OSBPL1A: variants seen among roughly 807,000 people sequenced by gnomAD.
OSBPL1A encodes oxysterol-binding protein-related protein 1.
Under a neutral mutation model 137.1 loss-of-function variants are expected in OSBPL1A, and 80 were observed. The observed-to-expected ratio is 0.58, with a 90% CI of 0.49 to 0.70. The LOEUF is 0.70. Among genes scored for constraint, OSBPL1A ranks in the 30% least tolerant of loss-of-function variants. The pLI, the probability that OSBPL1A is intolerant of heterozygous loss-of-function variation, is 0.00. For missense variants in OSBPL1A, 970 were observed against 1,129.4 expected (o/e 0.86, Z 2.02); for synonymous variants, 365 against 389.7 (o/e 0.94, Z 0.75).
At chr18:24,168,087 A>G (rs2086186949) in intron 24 of OSBPL1A, among the ~76,000 whole-genome samples, 1 of 152,128 alleles carries the variant, frequency 6.6e-6, no homozygotes, top group Non-Finnish European at 1.5e-5. Flanking sequence ...AAGACAAAAT[A>G]ATTCATTTGA....
intron 17 of OSBPL1A, among the ~76,000 whole-genome samples, chr18:24,205,792 C>T (rs938194616): frequency 3.3e-5 from 5 of 152,154 alleles, no homozygotes; most frequent in African/African-American, 1.2e-4. Context: ...TTAAGGTTTT[C>T]ACAGAGAAAG....
chr18:24,361,996 C>CAAAAAAAAAAAAAAAAAAAAAAAAAAA (rs200189504), intron 4 of OSBPL1A, among the ~76,000 whole-genome samples: 1 of 52,182 alleles, frequency 1.9e-5, no homozygotes, highest in Non-Finnish European at 4.0e-5. Flanking sequence ...GACTCCATCT[C>CAAAAAAAAAAAAAAAAAAAAAAAAAAA]AAAAAAAAAA....
chr18:24,388,800 CAAAAAAAAAAA>C lies in OSBPL1A; in HGVS notation c.-3+8844_-3+8854del, dbSNP rs57143270. ...GGGCGACAAGAGTGAGACTCTGTCTCAAAAAAAAAAAAAAAAAAAAACCAAAAATAACAAAA... is the reference window on the plus strand; with the variant it reads ...GGGCGACAAGAGTGAGACTCTGTCTCAAAAAAAAAACCAAAAATAACAAAA... On this transcript the variant is annotated intron_variant, in intron 1 of 27. Transcript: ENST00000319481. Among the ~76,000 whole-genome samples the C allele has an allele frequency of 3.0e-4, 25 of 82,836 alleles. No homozygotes were observed. The Admixed American group carries it at 3.1e-3, about 10-fold the overall frequency. 54.3% of individuals were successfully genotyped at this position (82,836 alleles called of 152,430 possible).
chr18:24,268,410 G>A (rs1401260997), intron 15 of OSBPL1A, among the ~76,000 whole-genome samples: 1 of 152,088 alleles, frequency 6.6e-6, no homozygotes, highest in Non-Finnish European at 1.5e-5. Flanking sequence ...GTGAGCCACT[G>A]CACCTGGCCC....
chr18:24,328,863 A>G (rs775074720), intron 7 of OSBPL1A, among the ~76,000 whole-genome samples: 7 of 152,226 alleles, frequency 4.6e-5, no homozygotes, highest in Non-Finnish European at 1.0e-4. Context: ...TACCGATTAT[A>G]TGTTGAAATG....
chr18:24,318,991 GCTAA>G (rs1011278635), intron 7 of OSBPL1A, among the ~76,000 whole-genome samples, 182 bp from the exon 8 acceptor site: 7 of 152,104 alleles, frequency 4.6e-5, no homozygotes, highest in African/African-American at 1.7e-4. Context: ...CCTTTTGGTC[GCTAA>G]CTATTAAGCC....
intron 6 of OSBPL1A, among the ~76,000 whole-genome samples, chr18:24,333,761 A>G (rs1051948036): frequency 4.6e-5 from 7 of 152,226 alleles, no homozygotes; most frequent in African/African-American, 1.7e-4. Flanking sequence ...CAAACCTTTC[A>G]GTCTAATGTG....
intron 17 of OSBPL1A, among the ~76,000 whole-genome samples, chr18:24,223,576 A>G (rs932047415): frequency 1.3e-5 from 2 of 152,086 alleles, no homozygotes; most frequent in Non-Finnish European, 2.9e-5. Flanking sequence ...TTGAAAGTTT[A>G]ATCTCATCTT....
In OSBPL1A at chr18:24,325,636, A is replaced by G. The variant is rs149854697; in HGVS notation, c.626-6827T>C. ...CCTGCACCTCATGGCCTGACAGCAC[A>G]TATGCATTTATTTGTTGTCTACCTC... On this transcript the variant is annotated intron_variant, in intron 7 of 27. Transcript: ENST00000319481. 3.7e-3 allele frequency among the ~76,000 whole-genome samples: 558 copies of G among 152,246 alleles called. 4 individuals carry two copies. The highest frequency in any genetic ancestry group is 0.013 in the African/African-American group (541 of 41,558).
At chr18:24,163,426 T>C in intron 27 of OSBPL1A, 145 bp from the exon 28 acceptor site, 1 of 572,218 alleles carries the variant, frequency 1.7e-6, no homozygotes, top group South Asian at 2.3e-5. Flanking sequence ...AGTGATGCTG[T>C]ATTTCTGCTT....
chr18:24,179,652 T>C, intron 20 of OSBPL1A, 86 bp downstream of exon 20: 1 of 1,138,448 alleles, frequency 8.8e-7, no homozygotes, highest in East Asian at 2.4e-5. Flanking sequence ...CAGTCCTATA[T>C]AATTGTTATT....
chr18:24,294,748 A>T (rs2090258654), intron 14 of OSBPL1A, among the ~76,000 whole-genome samples: 1 of 152,198 alleles, frequency 6.6e-6, no homozygotes, highest in South Asian at 2.1e-4. Context: ...ACATTATTTC[A>T]TTCCTTTTTG....
chr18:24,170,279 A>G (rs2086243148), intron 24 of OSBPL1A, 48 bp downstream of exon 24: 1 of 1,610,676 alleles, frequency 6.2e-7, no homozygotes, highest in Non-Finnish European at 8.5e-7. Context: ...ATTAGTACAC[A>G]TTGAAGAATC....
chr18:24,245,071 A>AATGTCTACAC (rs2088841793), intron 15 of OSBPL1A, among the ~76,000 whole-genome samples: 1 of 152,148 alleles, frequency 6.6e-6, no homozygotes, highest in African/African-American at 2.4e-5. Context: ...CAATTAACAA[A>AATGTCTACAC]ATGTATTAGA....
At position 24,360,218 on chromosome 18, in the gene OSBPL1A, G is replaced by A. The variant is rs1194154904; in HGVS notation, c.282+6674C>T. 4.6e-5 allele frequency among the ~76,000 whole-genome samples: 7 copies of A among 152,114 alleles called. No homozygotes were observed. The South Asian group carries it at 6.2e-4, about 13-fold the overall frequency. The stretch of plus-strand genomic sequence containing the variant: ...AGTCCTGACCTCAGGTGATCCACCC[G>A]CCTTGGCCTCCCATAGTGCTGGGAT... On this transcript the variant is annotated intron_variant, in intron 4 of 27. Transcript: ENST00000319481.
At chr18:24,314,742 T>A (rs1346285999) in intron 11 of OSBPL1A, among the ~76,000 whole-genome samples, 3 of 152,108 alleles carry the variant, frequency 2.0e-5, no homozygotes, top group Non-Finnish European at 4.4e-5. Context: ...CAGTAGATAA[T>A]GTTGATAAAG....
At chr18:24,239,129 G>A (rs1236612607) in intron 16 of OSBPL1A, 91 bp downstream of exon 16, 18 of 1,474,872 alleles carry the variant, frequency 1.2e-5, no homozygotes, top group Middle Eastern at 2.5e-4. Flanking sequence ...GGTGACCTCT[G>A]CTCTAAGGTG....
chr18:24,298,420 C>G (rs1437800855), intron 14 of OSBPL1A, among the ~76,000 whole-genome samples: 1 of 152,216 alleles, frequency 6.6e-6, no homozygotes, highest in African/African-American at 2.4e-5. Flanking sequence ...GATCTTGGCT[C>G]ACTGCAACCT....
rs981413806 is a variant in OSBPL1A at position 24,303,740 on chromosome 18, A to C, written c.1093-22T>G. The stretch of plus-strand genomic sequence containing the variant: ...CTTTCTGCAAAAAAAGAAAAGACAA[A>C]ATTAAAACAAAGTAATAAAAGATTT... On this transcript the variant is annotated intron_variant, in intron 13 of 27. Transcript: ENST00000319481. 6 of 1,583,396 alleles carry C rather than the reference A, an allele frequency of 3.8e-6. No individual in the cohort carries two copies. The African/African-American group carries it at 8.1e-5, about 21-fold the overall frequency.
Sources: gnomAD v4.1 joint callset for allele counts (sites outside exome capture counted in the v4.1 genomes callset) on GRCh38, gnomAD v4.1.1 for gene constraint, MANE v1.5 for transcripts, NCBI Gene and HGNC (gene_info 2026-07-23, HGNC 2026-07-21) for gene names.